ATG5: variants seen among roughly 807,000 people sequenced by gnomAD.
The protein encoded by ATG5 is autophagy protein 5.
A neutral mutation model predicts 36.5 loss-of-function variants in ATG5; 14 were observed. That is an observed-to-expected ratio of 0.38 (90% confidence interval 0.25 to 0.60). The LOEUF (loss-of-function observed/expected upper bound fraction) is 0.60, where lower values mean the gene tolerates loss of function less well. Ranked by LOEUF, ATG5 falls within the 20% of genes least tolerant of loss-of-function variation. The pLI is 0.60. For missense variants in ATG5, 195 were observed against 326.7 expected (o/e 0.60, Z 3.11); for synonymous variants, 95 against 101.5 (o/e 0.94, Z 0.38).
At chr6:106,297,058 C>T (rs1769980273) in intron 3 of ATG5, among the ~76,000 whole-genome samples, 2 of 152,142 alleles carry the variant, frequency 1.3e-5, no homozygotes, top group South Asian at 4.1e-4. Flanking sequence ...AACTCTGAGT[C>T]TTTAGATGAT....
chr6:106,228,138 G>A (rs1359462213), intron 6 of ATG5, among the ~76,000 whole-genome samples: 1 of 152,130 alleles, frequency 6.6e-6, no homozygotes, highest in Non-Finnish European at 1.5e-5. Context: ...GCTTTATTGG[G>A]CTACCCTCTT....
In ATG5 at chr6:106,237,883, C is replaced by T. The variant is rs144791134; in HGVS notation, c.573+10267G>A. On this transcript the variant is annotated intron_variant, in intron 6 of 7. Coordinates refer to ENST00000369076, the MANE Select transcript of ATG5 (RefSeq NM_004849.4). ...TGTGAGGAGCATAAAGACATAAGCA[C>T]AGTACAGAGCCTTAGCTTCTCTACA... 1.4e-4 allele frequency among the ~76,000 whole-genome samples: 21 copies of T among 152,294 alleles called. No individual in the cohort carries two copies. In the East Asian group the frequency reaches 3.7e-3, roughly 27 times the overall value.
intron 3 of ATG5, among the ~76,000 whole-genome samples, chr6:106,299,091 A>T (rs1395901346): frequency 6.6e-6 from 1 of 152,198 alleles, no homozygotes; most frequent in Non-Finnish European, 1.5e-5. Context: ...ATAGAAAAGC[A>T]AGTAGTAAGG....
chr6:106,277,089 A>T (rs936517659), intron 5 of ATG5, among the ~76,000 whole-genome samples: 2 of 152,248 alleles, frequency 1.3e-5, no homozygotes, highest in African/African-American at 4.8e-5. Context: ...AATTTACAGT[A>T]TACACTGTCA....
chr6:106,309,166 C>T (rs79227523), intron 2 of ATG5, among the ~76,000 whole-genome samples: 1 of 152,146 alleles, frequency 6.6e-6, no homozygotes, highest in Non-Finnish European at 1.5e-5. Flanking sequence ...CCATTTCTTG[C>T]TTTCCTAAGT....
intron 7 of ATG5, among the ~76,000 whole-genome samples, chr6:106,193,235 C>T (rs1430685527): frequency 6.6e-6 from 1 of 152,160 alleles, no homozygotes; most frequent in Non-Finnish European, 1.5e-5. Flanking sequence ...AAAATACTTA[C>T]ATTAACTTCT....
chr6:106,231,312 A>G (rs1056892135), intron 6 of ATG5, among the ~76,000 whole-genome samples: 21 of 152,164 alleles, frequency 1.4e-4, no homozygotes, highest in African/African-American at 4.8e-4. Context: ...CACTAACCCC[A>G]AATGACAGAA....
intron 5 of ATG5, among the ~76,000 whole-genome samples, chr6:106,262,652 G>C (rs758308716): frequency 2.6e-5 from 4 of 152,000 alleles, no homozygotes; most frequent in Non-Finnish European, 4.4e-5. Context: ...TTCCAACTGA[G>C]GTACCCAGGT....
At chr6:106,274,221 T>C (rs1315219318) in intron 5 of ATG5, among the ~76,000 whole-genome samples, 4 of 152,194 alleles carry the variant, frequency 2.6e-5, no homozygotes. Flanking sequence ...AAATAGGTAA[T>C]AGCCTGCACT....
At chr6:106,189,896 G>A (rs1165273579) in intron 7 of ATG5, among the ~76,000 whole-genome samples, 1 of 152,036 alleles carries the variant, frequency 6.6e-6, no homozygotes, top group Non-Finnish European at 1.5e-5. Flanking sequence ...AAACATATGA[G>A]AAAAATCAAG....
intron 6 of ATG5, among the ~76,000 whole-genome samples, chr6:106,230,340 A>G (rs1473478961): frequency 6.6e-6 from 1 of 152,142 alleles, no homozygotes; most frequent in Non-Finnish European, 1.5e-5. Flanking sequence ...ATCTTGATGG[A>G]GCAGCTGGGT....
chr6:106,285,065 G>A (rs962413664), intron 4 of ATG5, among the ~76,000 whole-genome samples: 9 of 152,056 alleles, frequency 5.9e-5, no homozygotes, highest in African/African-American at 2.2e-4. Context: ...CATGCAGACT[G>A]CCTGATATTA....
At chr6:106,202,206 T>C (rs1389564761) in intron 6 of ATG5, 117 bp from the exon 7 acceptor site, 2 of 675,948 alleles carry the variant, frequency 3.0e-6, no homozygotes, top group African/African-American at 1.8e-5. Context: ...GGTGTTAGCA[T>C]AATTACACAA....
At chr6:106,299,230 C>T (rs1770106788) in intron 3 of ATG5, among the ~76,000 whole-genome samples, 1 of 152,198 alleles carries the variant, frequency 6.6e-6, no homozygotes, top group East Asian at 1.9e-4. Context: ...ATAACCTACA[C>T]ACATTCTCCC....
rs959228606 is a variant in ATG5, at chr6:106,186,485, A to C, written c.*55T>G. 2.5e-6 allele frequency: 4 copies of C among 1,594,468 alleles called. No homozygotes were observed. In the African/African-American group the frequency reaches 5.4e-5, roughly 21 times the overall value. On this transcript the variant is annotated 3_prime_UTR_variant, in exon 8 of 8. Transcript: ENST00000369076. ...AACCTGATTGAAGCAAAAGGGTGAC[A>C]TGCTCTGATAAATCCCATTTAAGGA...
chr6:106,284,582 T>G (rs1035298157), intron 4 of ATG5, among the ~76,000 whole-genome samples: 4 of 152,154 alleles, frequency 2.6e-5, no homozygotes, highest in African/African-American at 9.7e-5. Context: ...CTCAAAATCC[T>G]GAGCTCAAGT....
At chr6:106,316,033 T>A in intron 2 of ATG5, 68 bp downstream of exon 2, 2 of 1,328,088 alleles carry the variant, frequency 1.5e-6, no homozygotes, top group Non-Finnish European at 2.1e-6. Context: ...GCCTCCAAGT[T>A]CTTACAGCTT....
rs769631239 is a variant in ATG5 at position 106,248,201 on chromosome 6, T to C, written c.522A>G (p.Glu174=). ...GAAATCCATTTTCTTCTGCAGGATATTCCATGAGTTTCCGATTGATGGCCC... is the reference window on the plus strand; with the variant it reads ...GAAATCCATTTTCTTCTGCAGGATACTCCATGAGTTTCCGATTGATGGCCC... ...QFWAINRKLM[E]YPAEENGFRY... The change falls in exon 6 of 8, where the codon GAA becomes GAG. Residue 174 remains glutamate (E), a synonymous_variant. Coordinates refer to ENST00000369076, the MANE Select transcript of ATG5 (RefSeq NM_004849.4). 3 of 1,612,572 alleles carry C rather than the reference T, an allele frequency of 1.9e-6. No individual in the cohort carries two copies. Among genetic ancestry groups the C allele is most frequent in the South Asian group, 2.2e-5 (2 of 91,042 alleles).
chr6:106,261,545 G>A (rs972554600), intron 5 of ATG5, among the ~76,000 whole-genome samples: 1 of 152,202 alleles, frequency 6.6e-6, no homozygotes, highest in Admixed American at 6.5e-5. Flanking sequence ...CAGCTGTTGT[G>A]ATGGCAGTGA....
Sources: gnomAD v4.1 joint callset for allele counts (sites outside exome capture counted in the v4.1 genomes callset) on GRCh38, gnomAD v4.1.1 for gene constraint, MANE v1.5 for transcripts, NCBI Gene and HGNC (gene_info 2026-07-23, HGNC 2026-07-21) for gene names.